Variants in TNRC6C observed in about 807,000 individuals in gnomAD.
TNRC6C encodes the protein trinucleotide repeat-containing gene 6C protein.
In TNRC6C, 20 loss-of-function variants were observed where a neutral mutation model predicts 153.7. That is an observed-to-expected ratio of 0.13 (90% CI 0.09 to 0.19). The LOEUF (loss-of-function observed/expected upper bound fraction) is 0.19, where lower values mean the gene tolerates loss of function less well. TNRC6C is among the 10% of genes least tolerant of loss of function. The pLI, the probability that TNRC6C is intolerant of heterozygous loss-of-function variation, is 1.00. For missense variants in TNRC6C, 1,987 were observed against 2,172.0 expected (o/e 0.91, Z 1.69); for synonymous variants, 811 against 841.4 (o/e 0.96, Z 0.63).
exon 9 of TNRC6C, chr17:78,077,259 C>T (rs1292701363): frequency 6.3e-7 from 1 of 1,598,922 alleles, no homozygotes; most frequent in South Asian, 1.1e-5. Context: ...CCCTTTCACA[C>T]AGTGCACTCC....
chr17:78,093,664 C>A (rs1159318837), exon 16 of TNRC6C: 1 of 1,613,802 alleles, frequency 6.2e-7, no homozygotes, highest in Non-Finnish European at 8.5e-7. Flanking sequence ...GAATATTGAC[C>A]CTGAGAATGA....
In TNRC6C at chr17:78,093,055, C is replaced by T. The variant is rs750737262; in HGVS notation, c.4093C>T (p.His1365Tyr). 1.2e-6 allele frequency: 2 copies of T among 1,613,766 alleles called. No individual in the cohort carries two copies. The highest frequency in any genetic ancestry group is 1.7e-6 in the Non-Finnish European group (2 of 1,179,894). ...AGCCAGTCCTCCCGTAGCTGTTCCC[C>T]ATAGCTGGTCACGTGCCAAATCTGA... The change falls in exon 15 of 20, where the codon CAT (histidine) becomes TAT (tyrosine). Residue 1365 changes from histidine to tyrosine, a missense_variant. Around this residue, in one of 4 missense-constraint regions of TNRC6C, gnomAD observed 765 missense variants for 908.6 expected, o/e 0.84. Coordinates refer to ENST00000301624, the Ensembl canonical transcript of TNRC6C.
At chr17:78,050,812 G>A in exon 3 of TNRC6C, 1 of 1,613,418 alleles carries the variant, frequency 6.2e-7, no homozygotes. Flanking sequence ...ACACTGGGGA[G>A]ATGGACAAAG....
At chr17:78,006,537 CTT>C (rs1471667330) in intron 1 of TNRC6C, among the ~76,000 whole-genome samples, 27 of 137,994 alleles carry the variant, frequency 2.0e-4, no homozygotes, top group African/African-American at 6.2e-4. Flanking sequence ...TCTTCTTCTT[CTT>C]CTTCTTCTTC....
At chr17:77,986,304 A>G (rs1335595423) in intron 1 of TNRC6C, among the ~76,000 whole-genome samples, 1 of 151,820 alleles carries the variant, frequency 6.6e-6, no homozygotes, top group Non-Finnish European at 1.5e-5. Context: ...AATCCCAGCC[A>G]TTTGGGAGGC....
At chr17:78,074,742 C>T (rs1198604574) in intron 7 of TNRC6C, among the ~76,000 whole-genome samples, 3 of 152,226 alleles carry the variant, frequency 2.0e-5, no homozygotes, top group Non-Finnish European at 2.9e-5. Context: ...TGCAAGAAAG[C>T]AACCACTGAG....
At chr17:77,975,155 G>T (rs1292836256) in intron 1 of TNRC6C, among the ~76,000 whole-genome samples, 1 of 152,124 alleles carries the variant, frequency 6.6e-6, no homozygotes. Context: ...TGGTGGCCAT[G>T]AAAACAGGTG....
In TNRC6C at chr17:78,049,139, C is replaced by A. The variant is rs777712148; in HGVS notation, c.77C>A (p.Ala26Glu). 1.4e-5 allele frequency: 22 copies of A among 1,604,320 alleles called. No individual in the cohort carries two copies. In the South Asian group the frequency reaches 2.1e-4, roughly 16 times the overall value. The change falls in exon 3 of 20, where the codon GCA (alanine) becomes GAA (glutamate). Residue 26 changes from alanine to glutamate, a missense_variant. Ala to Glu is a moderately radical substitution (Grantham distance 107). This residue lies in a region of TNRC6C where 1,052 missense variants were observed against 1,017.0 expected (regional missense o/e 1.03). Coordinates refer to ENST00000301624, the Ensembl canonical transcript of TNRC6C. The surrounding 1 kb of genome is among the most constrained non-coding windows in gnomAD (Gnocchi z 4.1). ...AATGGCAATAATGGCACCAATGGCGCACTCGTCCAAAGCCCTTCTAATCAG... is the reference window on the plus strand; with the variant it reads ...AATGGCAATAATGGCACCAATGGCGAACTCGTCCAAAGCCCTTCTAATCAG...
intron 2 of TNRC6C, among the ~76,000 whole-genome samples, chr17:78,039,318 C>T (rs1039771240): frequency 1.3e-5 from 2 of 148,844 alleles, no homozygotes; most frequent in African/African-American, 5.1e-5. Context: ...TGCCCCCCCC[C>T]CCCACTCCCT....
Position 78,086,847 on chromosome 17 carries a change from T to C in TNRC6C, c.3562-6T>C. The C allele has an allele frequency of 6.2e-7, 1 of 1,610,956 alleles. No individual in the cohort carries two copies. Among genetic ancestry groups the C allele is most frequent in the Non-Finnish European group, 8.5e-7 (1 of 1,179,150 alleles). On this transcript the variant is annotated splice_region_variant and splice_polypyrimidine_tract_variant and intron_variant, in intron 12 of 19. Transcript: ENST00000301624. ...TAGTTAACGCACCTATGTCTCTGCC[T>C]GCCAGGTTGCGCGCACAATCACTAA...
chr17:77,967,718 G>A (rs991992856), intron 1 of TNRC6C, among the ~76,000 whole-genome samples: 3 of 152,206 alleles, frequency 2.0e-5, no homozygotes, highest in African/African-American at 7.2e-5. Flanking sequence ...AGGTATGATA[G>A]ATCAATTACA....
At chr17:77,976,219 A>G (rs150784599) in intron 1 of TNRC6C, among the ~76,000 whole-genome samples, 56 of 152,274 alleles carry the variant, frequency 3.7e-4, no homozygotes, top group Non-Finnish European at 7.9e-4. Context: ...ATATTTGTGT[A>G]TACGTTTCTG....
chr17:78,010,708 G>C (rs564325953), intron 1 of TNRC6C, among the ~76,000 whole-genome samples: 1 of 152,100 alleles, frequency 6.6e-6, no homozygotes, highest in East Asian at 1.9e-4. Flanking sequence ...TATTAGATAT[G>C]TCTTTCTTTA....
At chr17:78,054,917 T>A in intron 3 of TNRC6C, among the ~76,000 whole-genome samples, 1 of 103,524 alleles carries the variant, frequency 9.7e-6, no homozygotes, top group Non-Finnish European at 2.1e-5. Flanking sequence ...GACTACTGTA[T>A]GCTACCATAC....
intron 1 of TNRC6C, among the ~76,000 whole-genome samples, chr17:77,980,372 C>T (rs1218666986): frequency 6.6e-6 from 1 of 152,166 alleles, no homozygotes; most frequent in Non-Finnish European, 1.5e-5. Context: ...TTCCTCGGCT[C>T]TCACTCTACA....
At chr17:78,050,928 C>T in exon 3 of TNRC6C, 1 of 1,613,864 alleles carries the variant, frequency 6.2e-7, no homozygotes, top group East Asian at 2.2e-5. Context: ...GGGATGCTGA[C>T]AGTAATAGGT....
At chr17:78,052,999 G>A (rs1222819540) in intron 3 of TNRC6C, among the ~76,000 whole-genome samples, 1 of 152,132 alleles carries the variant, frequency 6.6e-6, no homozygotes, top group African/African-American at 2.4e-5. Flanking sequence ...TTGGAAACCT[G>A]AAAAGTCTGA....
intron 11 of TNRC6C, 60 bp downstream of exon 13, chr17:78,083,226 T>TG: frequency 6.2e-7 from 1 of 1,605,456 alleles, no homozygotes; most frequent in Non-Finnish European, 8.5e-7. Flanking sequence ...GCACGGCACC[T>TG]GCTGAGAGCA....
chr17:78,065,012 G>A, intron 4 of TNRC6C, 75 bp downstream of exon 6: 1 of 1,457,638 alleles, frequency 6.9e-7, no homozygotes, highest in Admixed American at 2.3e-5. Flanking sequence ...AAAGATTAGA[G>A]TTTTAGGATA....
Sources: gnomAD v4.1 joint callset for allele counts (sites outside exome capture counted in the v4.1 genomes callset) on GRCh38, gnomAD v4.1.1 for gene constraint, gnomAD v4.1.1 regional missense constraint, Gnocchi (gnomAD v3.1) non-coding constraint, MANE v1.5 for transcripts, NCBI Gene and HGNC (gene_info 2026-07-23, HGNC 2026-07-21) for gene names.